The following ATRNL1 variants were observed in gnomAD, a reference collection of about 807,000 sequenced individuals.
ATRNL1 encodes attractin like 1, also known as attractin-like protein 1.
Under a neutral mutation model 182.7 loss-of-function variants are expected in ATRNL1, and 95 were observed. The ratio of observed to expected loss-of-function variants is 0.52; its 90% CI spans 0.44 to 0.62. The LOEUF (loss-of-function observed/expected upper bound fraction) is 0.62, where lower values mean the gene tolerates loss of function less well. Ranked by LOEUF, ATRNL1 falls within the 20% of genes least tolerant of loss-of-function variation. The pLI is 0.00. For synonymous variants in ATRNL1, 576 were observed against 568.3 expected (o/e 1.01, Z -0.19); for missense variants, 1,471 against 1,679.5 (o/e 0.88, Z 2.17).
intron 26 of ATRNL1, among the ~76,000 whole-genome samples, chr10:115,660,228 A>G (rs1353078829): frequency 6.6e-6 from 1 of 152,108 alleles, no homozygotes; most frequent in African/African-American, 2.4e-5. Context: ...ATTTACTGGT[A>G]TTTGGGGGTC....
At chr10:115,839,879 A>G (rs1950763860) in intron 27 of ATRNL1, among the ~76,000 whole-genome samples, 1 of 152,198 alleles carries the variant, frequency 6.6e-6, no homozygotes, top group Admixed American at 6.5e-5. Flanking sequence ...AATGAATGAC[A>G]TAATGTGTTT....
At chr10:115,839,194 T>G (rs2134332688) in intron 27 of ATRNL1, among the ~76,000 whole-genome samples, 1 of 152,248 alleles carries the variant, frequency 6.6e-6, no homozygotes, top group Non-Finnish European at 1.5e-5. Flanking sequence ...GTATAACAGA[T>G]TTGACTAATA....
intron 1 of ATRNL1, among the ~76,000 whole-genome samples, chr10:115,104,005 G>A (rs1554865289): frequency 6.6e-6 from 1 of 152,132 alleles, no homozygotes; most frequent in East Asian, 1.9e-4. Flanking sequence ...AGAAAACATT[G>A]AAGTACAGCT....
At chr10:115,940,113 C>G (rs1337696181) in intron 28 of ATRNL1, among the ~76,000 whole-genome samples, 1 of 152,080 alleles carries the variant, frequency 6.6e-6, no homozygotes, top group Non-Finnish European at 1.5e-5. Flanking sequence ...GACTCAAGGA[C>G]AGGCAGGAAT....
At chr10:115,127,759 TTGTAA>T in intron 4 of ATRNL1, 38 bp downstream of exon 4, 1 of 1,308,308 alleles carries the variant, frequency 7.6e-7, no homozygotes, top group Non-Finnish European at 1.0e-6. Context: ...TTAATGATTC[TTGTAA>T]TTTAATGTAA....
At chr10:115,861,450 TA>T (rs1951314860) in intron 28 of ATRNL1, among the ~76,000 whole-genome samples, 1 of 152,202 alleles carries the variant, frequency 6.6e-6, no homozygotes, top group African/African-American at 2.4e-5. Context: ...AAGCTAGCTG[TA>T]AATTCACACT....
At chr10:115,843,000 T>G (rs188127422) in intron 27 of ATRNL1, among the ~76,000 whole-genome samples, 117 of 152,216 alleles carry the variant, frequency 7.7e-4, no homozygotes, top group African/African-American at 2.7e-3. Flanking sequence ...TTATTAGTGT[T>G]TTACTATCCC....
At chr10:115,633,601 C>T (rs1230795569) in intron 26 of ATRNL1, among the ~76,000 whole-genome samples, 3 of 152,044 alleles carry the variant, frequency 2.0e-5, no homozygotes, top group African/African-American at 4.8e-5. Context: ...TGTTAATTAA[C>T]TTGTTGTTAA....
intron 26 of ATRNL1, among the ~76,000 whole-genome samples, chr10:115,591,724 G>C (rs1346292114): frequency 6.6e-6 from 1 of 152,124 alleles, no homozygotes; most frequent in African/African-American, 2.4e-5. Context: ...ATATACTTTG[G>C]TGGGAATCTC....
rs116595686 is a variant in ATRNL1, at chr10:115,697,398, T to G, written c.3796-29850T>G. The stretch of plus-strand genomic sequence containing the variant: ...TTGCTCAGGCTGGAGTGATTATGGC[T>G]CACTGCAGCCTCCACCTTCTGGGCT... On this transcript the variant is annotated intron_variant, in intron 26 of 28. Transcript: ENST00000355044. Among the ~76,000 whole-genome samples the G allele has an allele frequency of 5.1e-3, 777 of 152,246 alleles. 6 individuals are homozygous for G. The highest frequency in any genetic ancestry group is 0.018 in the African/African-American group (730 of 41,558).
chr10:115,218,362 G>C (rs996546203), intron 9 of ATRNL1, among the ~76,000 whole-genome samples: 1 of 152,156 alleles, frequency 6.6e-6, no homozygotes, highest in East Asian at 1.9e-4. Context: ...ATTCTGCCTT[G>C]ACTTTAACTC....
At chr10:115,477,493 T>C (rs1338989366) in intron 24 of ATRNL1, among the ~76,000 whole-genome samples, 1 of 151,548 alleles carries the variant, frequency 6.6e-6, no homozygotes, top group South Asian at 2.1e-4. Flanking sequence ...CTTAAGTGAA[T>C]GAGTCCAACT....
intron 27 of ATRNL1, among the ~76,000 whole-genome samples, chr10:115,792,754 T>C (rs1028752728): frequency 1.3e-5 from 2 of 152,166 alleles, no homozygotes; most frequent in Non-Finnish European, 2.9e-5. Flanking sequence ...TATTTCTTCA[T>C]TCAAAGAACA....
chr10:115,467,394 T>A, intron 23 of ATRNL1, 142 bp downstream of exon 23: 1 of 504,286 alleles, frequency 2.0e-6, no homozygotes, highest in Non-Finnish European at 3.4e-6. Flanking sequence ...GTAAAAATAA[T>A]AAGTAGAAAA....
At position 115,215,703 on chromosome 10, in the gene ATRNL1, A is replaced by G; in HGVS notation, c.1355A>G (p.Asn452Ser). 1 of 1,591,448 alleles carries G rather than the reference A, an allele frequency of 6.3e-7. No individual in the cohort carries two copies. Among genetic ancestry groups the G allele is most frequent in the Non-Finnish European group, 8.5e-7 (1 of 1,172,732 alleles). Residue 452 changes from asparagine (N) to serine (S), a missense_variant, in exon 9 of 29, where the codon AAC (asparagine) becomes AGC (serine). Around this residue, in one of 3 missense-constraint regions of ATRNL1, gnomAD observed 1,031 missense variants for 1,156.0 expected, o/e 0.89. Transcript: ENST00000355044. ...SSIQEYHISS[N>S]TWLVPETKGA... ...TATTTTATTTCTGTTACAGCATCAA[A>G]CACTTGGCTTGTTCCAGAAACTAAA... is the stretch of plus-strand genomic sequence containing the variant.
Position 115,945,863 on chromosome 10 carries a change from C to T in ATRNL1, c.*1084C>T, listed in dbSNP as rs1214675536. 2 of 152,214 alleles carry T rather than the reference C, an allele frequency of 1.3e-5. No individual in the cohort carries two copies. Among genetic ancestry groups the T allele is most frequent in the Non-Finnish European group, 2.9e-5 (2 of 68,042 alleles). 9.4% of individuals were successfully genotyped at this position (152,214 alleles called of 1,614,324 possible). The stretch of plus-strand genomic sequence containing the variant: ...GCATCAACAGGAGTCTTCTTCCCAA[C>T]ACGAGCGCATCCATGTCCTGAGAAA... On this transcript the variant is annotated 3_prime_UTR_variant, in exon 29 of 29. Transcript: ENST00000355044.
chr10:115,297,456 A>G (rs1248383623), intron 15 of ATRNL1, among the ~76,000 whole-genome samples: 4 of 151,986 alleles, frequency 2.6e-5, no homozygotes, highest in African/African-American at 7.3e-5. Flanking sequence ...CCCGGCTAAC[A>G]CAATGAAACC....
chr10:115,404,972 T>G (rs2134315796), intron 20 of ATRNL1, among the ~76,000 whole-genome samples: 1 of 152,264 alleles, frequency 6.6e-6, no homozygotes, highest in South Asian at 2.1e-4. Context: ...TGGTTCCCAA[T>G]ACATGATAGA....
At chr10:115,595,192 T>G (rs1294188376) in intron 26 of ATRNL1, among the ~76,000 whole-genome samples, 1 of 144,734 alleles carries the variant, frequency 6.9e-6, no homozygotes, top group Non-Finnish European at 1.5e-5. Context: ...TTACTTTGGG[T>G]GTTTGAATTT....
Sources: allele counts gnomAD v4.1 joint callset (sites outside exome capture counted in the v4.1 genomes callset), GRCh38; gene constraint gnomAD v4.1.1; regional missense constraint gnomAD v4.1.1; transcripts MANE v1.5; gene names NCBI Gene and HGNC (gene_info 2026-07-23, HGNC 2026-07-21).